SHROOM3: variants seen among roughly 807,000 people sequenced by gnomAD.
The protein encoded by SHROOM3 is shroom family member 3.
SHROOM3 carries 47 observed loss-of-function variants against 138.6 expected under a neutral mutation model. That is an observed-to-expected ratio of 0.34 (90% confidence interval 0.27 to 0.43). The LOEUF (loss-of-function observed/expected upper bound fraction) is 0.43. SHROOM3 is among the 20% of genes least tolerant of loss of function. The probability of loss-of-function intolerance (pLI) is 1.00; values close to 1 mark genes in which losing one functional copy is unlikely to be tolerated. For missense variants in SHROOM3, 2,491 were observed against 2,596.5 expected (o/e 0.96, Z 0.88); for synonymous variants, 1,062 against 1,063.3 (o/e 1.00, Z 0.02).
chr4:76,470,257 A>G (rs559129603), intron 1 of SHROOM3, among the ~76,000 whole-genome samples: 24 of 152,314 alleles, frequency 1.6e-4, no homozygotes, highest in Admixed American at 1.2e-3. Flanking sequence ...GAATCAAGTG[A>G]GTTTTGTGTG....
intron 2 of SHROOM3, among the ~76,000 whole-genome samples, chr4:76,605,728 A>T (rs981381863): frequency 6.6e-6 from 1 of 151,866 alleles, no homozygotes; most frequent in African/African-American, 2.4e-5. Flanking sequence ...AAAAACAAAA[A>T]CAGAAAAAAT....
intron 1 of SHROOM3, among the ~76,000 whole-genome samples, chr4:76,495,677 T>C (rs927864363): frequency 2.0e-5 from 3 of 152,220 alleles, no homozygotes; most frequent in African/African-American, 7.2e-5. Context: ...GGCTCATTTT[T>C]CCTGATGTGG....
rs1487070999 is a variant in SHROOM3, at chr4:76,741,885, G to A, written c.3712G>A (p.Val1238Met). The change falls in exon 5 of 11, where the codon GTG becomes ATG. Residue 1238 changes from valine to methionine, a missense_variant. Coordinates refer to ENST00000296043, the MANE Select transcript of SHROOM3 (RefSeq NM_020859.4). This position sits in a 1 kb window ranked among gnomAD's most constrained non-coding sequence, Gnocchi z 6.2. The part of the protein sequence containing the change: ...RSDVLAGPVH[V>M]RSRSSPATAD... ...GGACGTCCTTGCGGGCCCTGTCCAT[G>A]TGAGGTCCAGGTCATCTCCCGCCAC... The A allele has an allele frequency of 1.2e-6, 2 of 1,612,234 alleles. No individual in the cohort carries two copies. Among genetic ancestry groups the A allele is most frequent in the African/African-American group, 1.3e-5 (1 of 74,938 alleles).
At chr4:76,457,652 C>T (rs1731055961) in intron 1 of SHROOM3, among the ~76,000 whole-genome samples, 4 of 151,320 alleles carry the variant, frequency 2.6e-5, no homozygotes. Flanking sequence ...CCACCACGCC[C>T]AGCTAATTTT....
At chr4:76,645,320 T>C (rs1483053521) in intron 2 of SHROOM3, 1 of 152,216 alleles carries the variant, frequency 6.6e-6, no homozygotes, top group Non-Finnish European at 1.5e-5. Context: ...CGGTCACTGT[T>C]AGCCTCGAGT....
intron 2 of SHROOM3, among the ~76,000 whole-genome samples, chr4:76,639,903 C>A (rs896567186): frequency 6.6e-6 from 1 of 152,112 alleles, no homozygotes; most frequent in Non-Finnish European, 1.5e-5. Context: ...TTTTAAAACT[C>A]AAAATAATGT....
At chr4:76,552,127 G>T (rs1261950842) in intron 1 of SHROOM3, among the ~76,000 whole-genome samples, 1 of 150,806 alleles carries the variant, frequency 6.6e-6, no homozygotes, top group African/African-American at 2.4e-5. Context: ...CCCCTAAATT[G>T]CTGGGATTAC....
chr4:76,557,517 G>A (rs113296074), intron 2 of SHROOM3, among the ~76,000 whole-genome samples: 44 of 152,180 alleles, frequency 2.9e-4, no homozygotes, highest in African/African-American at 8.4e-4. Context: ...GTTATAAGAT[G>A]AATAAGTTCT....
chr4:76,584,489 G>C lies in SHROOM3; in HGVS notation c.323+28726G>C, dbSNP rs530910239. 2.0e-5 allele frequency among the ~76,000 whole-genome samples: 3 copies of C among 152,290 alleles called. No homozygotes were observed. In the East Asian group the frequency reaches 5.8e-4, roughly 29 times the overall value. The stretch of plus-strand genomic sequence containing the variant: ...CTGAAGTGAGCTTAAATTGGACAGA[G>C]CTGGACTATGAGGAAGTGACTGGTG... On this transcript the variant is annotated intron_variant, in intron 2 of 10. Transcript: ENST00000296043.
At chr4:76,506,208 T>A (rs1732208390) in intron 1 of SHROOM3, among the ~76,000 whole-genome samples, 2 of 149,092 alleles carry the variant, frequency 1.3e-5, no homozygotes, top group East Asian at 4.0e-4. Context: ...GGGGAGGGCA[T>A]CACACACCAG....
intron 2 of SHROOM3, among the ~76,000 whole-genome samples, chr4:76,683,786 A>G (rs1380739623): frequency 6.6e-6 from 1 of 152,204 alleles, no homozygotes; most frequent in Admixed American, 6.5e-5. Context: ...GATGCTTTTT[A>G]AAGTTATTAA....
chr4:76,448,770 C>A (rs536755092), intron 1 of SHROOM3, among the ~76,000 whole-genome samples: 3 of 152,148 alleles, frequency 2.0e-5, no homozygotes, highest in Non-Finnish European at 2.9e-5. Context: ...ACTAAGATGA[C>A]CACCATTTAG....
intron 8 of SHROOM3, among the ~76,000 whole-genome samples, chr4:76,757,439 G>C (rs1407704344): frequency 6.6e-6 from 1 of 152,188 alleles, no homozygotes; most frequent in Non-Finnish European, 1.5e-5. Context: ...TTCTGTATCA[G>C]AGCTGCTCTG....
intron 1 of SHROOM3, among the ~76,000 whole-genome samples, chr4:76,533,571 T>C (rs1365214125): frequency 1.3e-5 from 2 of 152,200 alleles, no homozygotes; most frequent in African/African-American, 4.8e-5. Context: ...CTGGGCTTAT[T>C]AGACATGACC....
intron 2 of SHROOM3, among the ~76,000 whole-genome samples, chr4:76,690,707 T>C (rs1719503166): frequency 6.6e-6 from 1 of 152,180 alleles, no homozygotes; most frequent in Admixed American, 6.5e-5. Flanking sequence ...TTTTTTCTGA[T>C]TATAAAAATA....
At chr4:76,481,618 G>C (rs1290593354) in intron 1 of SHROOM3, among the ~76,000 whole-genome samples, 6 of 152,008 alleles carry the variant, frequency 3.9e-5, no homozygotes, top group Admixed American at 2.6e-4. Flanking sequence ...AGAAAAAGAG[G>C]GACTCCCCCC....
intron 1 of SHROOM3, among the ~76,000 whole-genome samples, chr4:76,444,084 C>T (rs568880322): frequency 3.5e-4 from 53 of 151,894 alleles, no homozygotes; most frequent in South Asian, 1.7e-3. Flanking sequence ...CCACCACACC[C>T]GGCTAATTTT....
intron 2 of SHROOM3, among the ~76,000 whole-genome samples, chr4:76,568,875 C>T (rs905264184): frequency 2.6e-5 from 4 of 152,154 alleles, no homozygotes; most frequent in Non-Finnish European, 4.4e-5. Context: ...CAACCCTGCC[C>T]GTTCTGTGAG....
chr4:76,536,974 G>T (rs901396182), intron 1 of SHROOM3, among the ~76,000 whole-genome samples: 1 of 152,132 alleles, frequency 6.6e-6, no homozygotes, highest in Non-Finnish European at 1.5e-5. Context: ...TTACCCAGGT[G>T]TGGTGGCAGG....
Sources: allele counts gnomAD v4.1 joint callset (sites outside exome capture counted in the v4.1 genomes callset), GRCh38; gene constraint gnomAD v4.1.1; non-coding constraint Gnocchi (gnomAD v3.1); transcripts MANE v1.5; gene names NCBI Gene and HGNC (gene_info 2026-07-23, HGNC 2026-07-21).